The following IGSF9B variants were observed in gnomAD, a reference collection of about 807,000 sequenced individuals.
The protein encoded by IGSF9B is protein turtle homolog B.
In IGSF9B, 48 loss-of-function variants were observed where a neutral mutation model predicts 143.7. The ratio of observed to expected loss-of-function variants is 0.33; its 90% CI spans 0.26 to 0.42. The LOEUF (loss-of-function observed/expected upper bound fraction) is 0.42. Ranked by LOEUF, IGSF9B falls within the 20% of genes least tolerant of loss-of-function variation. IGSF9B has a pLI of 1.00. For synonymous variants in IGSF9B, 903 were observed against 833.1 expected (o/e 1.08, Z -1.44); for missense variants, 1,706 against 1,980.0 (o/e 0.86, Z 2.63).
Position 133,956,811 on chromosome 11 carries a change from A to ACGCGCCTCGCGCCCGAGCG in IGSF9B, c.-76_-58dup, listed in dbSNP as rs1940265841. On this transcript the variant is annotated 5_prime_UTR_variant, in exon 1 of 20. Coordinates refer to ENST00000533871, the MANE Select transcript of IGSF9B (RefSeq NM_001277285.4). ...TATCGCAAAGTGCTCCCGCGCCCGCACGCGCCTCGCGCCCGAGCGCCCGCC... is the reference window on the plus strand; with the variant it reads ...TATCGCAAAGTGCTCCCGCGCCCGCACGCGCCTCGCGCCCGAGCGCGCGCCTCGCGCCCGAGCGCCCGCC... 3.5e-6 allele frequency: 4 copies of ACGCGCCTCGCGCCCGAGCG among 1,152,096 alleles called. No homozygotes were observed. Among genetic ancestry groups the ACGCGCCTCGCGCCCGAGCG allele is most frequent in the East Asian group, 3.4e-5 (1 of 29,086 alleles). 71.4% of individuals were successfully genotyped at this position (1,152,096 alleles called of 1,614,324 possible).
intron 11 of IGSF9B, among the ~76,000 whole-genome samples, 158 bp from the exon 12 acceptor site, chr11:133,929,940 G>A (rs933371438): frequency 1.6e-4 from 25 of 152,256 alleles, no homozygotes; most frequent in South Asian, 8.3e-4. Context: ...GCTCTCAGGC[G>A]CCGACTCCCC....
chr11:133,912,868 C>G (rs1458495745), intron 18 of IGSF9B, among the ~76,000 whole-genome samples: 1 of 152,112 alleles, frequency 6.6e-6, no homozygotes, highest in African/African-American at 2.4e-5. Context: ...ATCAACTGCC[C>G]GGTTAGGACA....
intron 3 of IGSF9B, among the ~76,000 whole-genome samples, chr11:133,939,040 C>T (rs986135347): frequency 1.3e-5 from 2 of 152,236 alleles, no homozygotes; most frequent in African/African-American, 2.4e-5. Flanking sequence ...CCCCACACAG[C>T]CCTGCCCTGA....
Position 133,911,877 on chromosome 11 carries a change from A to G in IGSF9B, c.4105+9T>C. The G allele has an allele frequency of 1.3e-6, 2 of 1,522,856 alleles. No homozygotes were observed. The highest frequency in any genetic ancestry group is 1.8e-6 in the Non-Finnish European group (2 of 1,142,016). The allele number at this position is 1,522,856 out of a possible 1,614,324, so 94.3% of individuals were successfully genotyped here. ...GGAGGAGCGGGGCGGGCCACTGCCCATCATTTACCGGATCGTTTCTTTGAC... is the reference window on the plus strand; with the variant it reads ...GGAGGAGCGGGGCGGGCCACTGCCCGTCATTTACCGGATCGTTTCTTTGAC... On this transcript the variant is annotated intron_variant, in intron 19 of 19. Transcript: ENST00000533871.
At position 133,920,909 on chromosome 11, in the gene IGSF9B, C is replaced by A. The variant is rs745498636; in HGVS notation, c.2816G>T (p.Gly939Val). 9.3e-6 allele frequency: 15 copies of A among 1,608,734 alleles called. No individual in the cohort carries two copies. The highest frequency in any genetic ancestry group is 8.4e-5 in the Admixed American group (5 of 59,864). ...AAGCCGACCTTCCAGGCCACCGGGG[C>A]CCTCCAGCCCGCGGGGCTGGAACCG... ...SPRFQPRGLE[G>V]PGGLEGRLQA... The change falls in exon 18 of 20, where the codon GGC (glycine) becomes GTC (valine). Residue 939 changes from glycine (G) to valine (V), a missense_variant. Coordinates refer to ENST00000533871, the MANE Select transcript of IGSF9B (RefSeq NM_001277285.4).
chr11:133,929,100 T>C (rs536967642), intron 12 of IGSF9B, among the ~76,000 whole-genome samples: 1 of 152,310 alleles, frequency 6.6e-6, no homozygotes, highest in African/African-American at 2.4e-5. Flanking sequence ...CATACATTCT[T>C]AAACCACTAT....
chr11:133,946,232 C>T lies in IGSF9B; in HGVS notation c.91G>A (p.Glu31Lys), dbSNP rs569338296. ...EGAHGLREEP[E>K]FVTARAGESV... ...TCCCCAGCTCTTGCCGTCACAAACT[C>T]GGGCTCCTCTCGCAGGCCGTGGGCG... The change falls in exon 2 of 20, where the codon GAG becomes AAG. Residue 31 changes from glutamate to lysine, a missense_variant. By Grantham distance (56) the Glu-to-Lys change is moderately conservative (BLOSUM62 1). Coordinates refer to ENST00000533871, the MANE Select transcript of IGSF9B (RefSeq NM_001277285.4). 16 of 1,613,648 alleles carry T rather than the reference C, an allele frequency of 9.9e-6. No homozygotes were observed. The highest frequency in any genetic ancestry group is 6.7e-5 in the East Asian group (3 of 44,848).
rs1306928161 is a variant in IGSF9B, at chr11:133,945,381, C to A, written c.262+680G>T. The stretch of plus-strand genomic sequence containing the variant: ...AAGGCAGGGCAGACCTCAGAAGCCA[C>A]CAGCAAAGATGAAAGTGAAGGCAGT... On this transcript the variant is annotated intron_variant, in intron 2 of 19. Coordinates refer to ENST00000533871, the MANE Select transcript of IGSF9B (RefSeq NM_001277285.4). This position sits in a 1 kb window ranked among gnomAD's most constrained non-coding sequence, Gnocchi z 4.6. Among the ~76,000 whole-genome samples the A allele has an allele frequency of 6.6e-6, 1 of 152,164 alleles. No individual in the cohort carries two copies. The highest frequency in any genetic ancestry group is 1.9e-4 in the East Asian group (1 of 5,184).
intron 2 of IGSF9B, 88 bp from the exon 3 acceptor site, chr11:133,944,454 CTCA>C: frequency 7.3e-7 from 1 of 1,376,976 alleles, no homozygotes; most frequent in Non-Finnish European, 1.0e-6. Flanking sequence ...AGACAGGGGA[CTCA>C]TCATAATCTT....
chr11:133,927,881 C>T (rs1939655928), intron 12 of IGSF9B, among the ~76,000 whole-genome samples: 1 of 152,128 alleles, frequency 6.6e-6, no homozygotes, highest in Non-Finnish European at 1.5e-5. Flanking sequence ...GGTCCCGGCT[C>T]ACTACCGTGC....
rs568096888 is a variant in IGSF9B at position 133,931,388 on chromosome 11, G to A, written c.1368+65C>T. 32 of 1,212,506 alleles carry A rather than the reference G, an allele frequency of 2.6e-5. No homozygotes were observed. Among genetic ancestry groups the A allele is most frequent in the Admixed American group, 4.1e-5 (2 of 48,800 alleles). 75.1% of individuals were successfully genotyped at this position (1,212,506 alleles called of 1,614,324 possible). ...GCTCGCTGGGCCCTCAAACCTCCCC[G>A]CAGCCCCAGGGCTCCCTGGGCCCTC... On this transcript the variant is annotated intron_variant, in intron 10 of 19. Coordinates refer to ENST00000533871, the MANE Select transcript of IGSF9B (RefSeq NM_001277285.4). The surrounding 1 kb of genome is among the most constrained non-coding windows in gnomAD (Gnocchi z 7.7).
chr11:133,925,213 A>G (rs1367071530), intron 14 of IGSF9B, among the ~76,000 whole-genome samples: 1 of 152,258 alleles, frequency 6.6e-6, no homozygotes, highest in Non-Finnish European at 1.5e-5. Flanking sequence ...GTGTCCAGGA[A>G]GGAAGACAGA....
chr11:133,927,251 C>T (rs1939644838), intron 12 of IGSF9B, among the ~76,000 whole-genome samples, 160 bp from the exon 13 acceptor site: 1 of 152,260 alleles, frequency 6.6e-6, no homozygotes, highest in South Asian at 2.1e-4. Flanking sequence ...GGATGCCCTG[C>T]CCAGCTTTGG....
intron 2 of IGSF9B, among the ~76,000 whole-genome samples, chr11:133,944,758 T>TG (rs1274106385): frequency 6.6e-6 from 1 of 152,008 alleles, no homozygotes; most frequent in Admixed American, 6.5e-5. Flanking sequence ...AGAGGATGGG[T>TG]GGGGGGTCTC....
At chr11:133,934,769 C>A (rs182711129) in intron 7 of IGSF9B, among the ~76,000 whole-genome samples, 6 of 152,322 alleles carry the variant, frequency 3.9e-5, no homozygotes, top group African/African-American at 1.4e-4. Flanking sequence ...ACACTGACCC[C>A]GGTCTTGTCT....
chr11:133,920,281 A>G lies in IGSF9B; in HGVS notation c.3444T>C (p.Pro1148=), dbSNP rs2121290131. Residue 1148 remains proline (P), a synonymous_variant, in exon 18 of 20, where the codon CCT becomes CCC. Coordinates refer to ENST00000533871, the MANE Select transcript of IGSF9B (RefSeq NM_001277285.4). ...CCCCCGGCTCAGCCGGCTCGGGGTA[A>G]GGCAGCACAGGTATGCCCATGCCTT... The part of the protein sequence containing the change: ...TSQGMGIPVL[P]YPEPAEPGAH... 6.5e-7 allele frequency: 1 copy of G among 1,531,526 alleles called. No individual in the cohort carries two copies. The highest frequency in any genetic ancestry group is 8.8e-7 in the Non-Finnish European group (1 of 1,139,326). The allele number at this position is 1,531,526 out of a possible 1,614,324, so 94.9% of individuals were successfully genotyped here. A position where few individuals can be genotyped will look rare whatever the true frequency, so the allele number is the denominator to read the frequency against.
Position 133,945,438 on chromosome 11 carries a change from CCAA to C in IGSF9B, c.262+620_262+622del, listed in dbSNP as rs1163354988. 6.6e-6 allele frequency among the ~76,000 whole-genome samples: 1 copy of C among 152,158 alleles called. No homozygotes were observed. The highest frequency in any genetic ancestry group is 2.4e-5 in the African/African-American group (1 of 41,450). On this transcript the variant is annotated intron_variant, in intron 2 of 19. Transcript: ENST00000533871. This position sits in a 1 kb window ranked among gnomAD's most constrained non-coding sequence, Gnocchi z 4.6. ...CCTGCTTCCTCCCTTCCTTTCAACC[CCAA>C]CAACGCTCGCTCAATGACACGCACA...
intron 18 of IGSF9B, chr11:133,912,221 C>G: frequency 1.5e-6 from 1 of 686,348 alleles, no homozygotes; most frequent in Non-Finnish European, 2.6e-6. Context: ...TGGCCCACCT[C>G]GGATGGAAAC....
At chr11:133,932,245 A>T (rs1413912965) in intron 7 of IGSF9B, 32 bp from the exon 8 acceptor site, 5 of 1,496,596 alleles carry the variant, frequency 3.3e-6, no homozygotes, top group Non-Finnish European at 4.4e-6. Context: ...GAGAGAGCAG[A>T]CAGACAGACA....
Sources: gnomAD v4.1 joint callset for allele counts (sites outside exome capture counted in the v4.1 genomes callset) on GRCh38, gnomAD v4.1.1 for gene constraint, Gnocchi (gnomAD v3.1) non-coding constraint, MANE v1.5 for transcripts, NCBI Gene and HGNC (gene_info 2026-07-23, HGNC 2026-07-21) for gene names.